Variants in LNPEP observed in about 807,000 individuals in gnomAD.
LNPEP encodes the protein leucyl-cystinyl aminopeptidase.
In LNPEP, 64 loss-of-function variants were observed where a neutral mutation model predicts 120.6. The ratio of observed to expected loss-of-function variants is 0.53; its 90% confidence interval spans 0.43 to 0.65. LNPEP has a LOEUF of 0.65. Ranked by LOEUF, LNPEP falls within the 30% of genes least tolerant of loss-of-function variation. The pLI is 0.00. For synonymous variants in LNPEP, 435 were observed against 425.4 expected (o/e 1.02, Z -0.28); for missense variants, 1,057 against 1,200.0 (o/e 0.88, Z 1.76).
chr5:96,958,468 G>C, intron 1 of LNPEP: 1 of 984,682 alleles, frequency 1.0e-6, no homozygotes, highest in Non-Finnish European at 1.2e-6. Flanking sequence ...ACTCCACTAA[G>C]TACAGAAGTG....
chr5:96,989,349 TATTATATATTATATATA>T (rs1437281674), intron 4 of LNPEP, among the ~76,000 whole-genome samples: 4 of 22,178 alleles, frequency 1.8e-4, no homozygotes, highest in African/African-American at 7.4e-4. Flanking sequence ...ATATATAATA[TATTATATATTATATATA>T]ATTATATATT....
At chr5:96,962,983 G>A (rs752258081) in intron 1 of LNPEP, among the ~76,000 whole-genome samples, 2 of 152,116 alleles carry the variant, frequency 1.3e-5, no homozygotes, top group Non-Finnish European at 2.9e-5. Flanking sequence ...TTGGGCTTAA[G>A]AGAAAAAGCT....
intron 11 of LNPEP, among the ~76,000 whole-genome samples, chr5:97,012,916 A>G (rs1330116829): frequency 6.6e-6 from 1 of 152,120 alleles, no homozygotes; most frequent in African/African-American, 2.4e-5. Flanking sequence ...CCTAATGTTT[A>G]TTTTGCTAGC....
intron 1 of LNPEP, among the ~76,000 whole-genome samples, chr5:96,961,117 T>C (rs537472067): frequency 6.6e-6 from 1 of 152,328 alleles, no homozygotes; most frequent in South Asian, 2.1e-4. Context: ...TGTACCATGT[T>C]GTAGACTTGC....
intron 1 of LNPEP, among the ~76,000 whole-genome samples, chr5:96,971,177 T>C (rs1240612037): frequency 6.6e-6 from 1 of 152,086 alleles, no homozygotes; most frequent in Non-Finnish European, 1.5e-5. Flanking sequence ...GTCTTCCAAC[T>C]CTTTAAAAAT....
chr5:96,938,365 A>G (rs117385930), intron 1 of LNPEP, among the ~76,000 whole-genome samples: 1 of 152,182 alleles, frequency 6.6e-6, no homozygotes, highest in East Asian at 1.9e-4. Flanking sequence ...AATCTTTCCC[A>G]CTTACACTTT....
intron 1 of LNPEP, among the ~76,000 whole-genome samples, chr5:96,943,810 C>T (rs377169040): frequency 5.3e-5 from 8 of 152,172 alleles, no homozygotes; most frequent in African/African-American, 1.7e-4. Context: ...AATTCTTTTT[C>T]TTCTAATACA....
At chr5:97,020,617 T>C (rs987360249) in intron 13 of LNPEP, among the ~76,000 whole-genome samples, 8 of 152,082 alleles carry the variant, frequency 5.3e-5, no homozygotes, top group Admixed American at 4.6e-4. Context: ...CTGACTAACA[T>C]GGTGAAACCC....
intron 1 of LNPEP, among the ~76,000 whole-genome samples, chr5:96,974,781 A>T (rs908135097): frequency 6.6e-6 from 1 of 152,130 alleles, no homozygotes; most frequent in East Asian, 1.9e-4. Flanking sequence ...GCCTCATTTT[A>T]CTTGACCTTT....
Position 97,028,403 on chromosome 5 carries a change from T to C in LNPEP, c.2948T>C (p.Val983Ala), listed in dbSNP as rs1791396179. 6.2e-7 allele frequency: 1 copy of C among 1,613,682 alleles called. No homozygotes were observed. Among genetic ancestry groups the C allele is most frequent in the African/African-American group, 1.3e-5 (1 of 74,934 alleles). Residue 983 changes from valine to alanine, a missense_variant and splice_region_variant, in exon 18 of 18, where the codon GTT becomes GCT. Physicochemically the swap from Val to Ala is moderately conservative, Grantham distance 64. Transcript: ENST00000231368. ...LFSTKTHLSEVQAFFENQSEA... is the reference protein window; with the variant it reads ...LFSTKTHLSEAQAFFENQSEA... ...AATTCTTCTGTGTGAAACTTACAGG[T>C]TCAGGCATTCTTTGAAAATCAGTCA... is the stretch of plus-strand genomic sequence containing the variant.
chr5:96,960,789 A>C (rs1230549722), intron 1 of LNPEP, among the ~76,000 whole-genome samples: 2 of 144,190 alleles, frequency 1.4e-5, no homozygotes, highest in South Asian at 2.3e-4. Context: ...TGTTCTAAGA[A>C]TCAAATAGTG....
rs573988948 is a variant in LNPEP at position 96,955,567 on chromosome 5, AT to A, written c.19+19395del. ...GAGGCAGAGGTTGTAGTGAGCCGAGATTGTGCCACTGCACTCCAGCCTGGCT... is the reference window on the plus strand; with the variant it reads ...GAGGCAGAGGTTGTAGTGAGCCGAGATGTGCCACTGCACTCCAGCCTGGCT... On this transcript the variant is annotated intron_variant, in intron 1 of 17. Transcript: ENST00000231368. 3.1e-4 allele frequency among the ~76,000 whole-genome samples: 47 copies of A among 152,330 alleles called. No individual in the cohort carries two copies. In the South Asian group the frequency reaches 8.1e-3, roughly 26 times the overall value.
chr5:96,960,498 G>A (rs1789575802), intron 1 of LNPEP, among the ~76,000 whole-genome samples: 1 of 152,068 alleles, frequency 6.6e-6, no homozygotes, highest in Non-Finnish European at 1.5e-5. Context: ...AGGCAAATTG[G>A]TCACATTCTA....
chr5:97,003,182 T>C (rs1419044429), intron 8 of LNPEP, among the ~76,000 whole-genome samples: 1 of 152,224 alleles, frequency 6.6e-6, no homozygotes, highest in Non-Finnish European at 1.5e-5. Context: ...ATGGTTAGAA[T>C]AGTGCACATG....
intron 1 of LNPEP, among the ~76,000 whole-genome samples, chr5:96,949,072 G>A (rs1789260266): frequency 6.6e-6 from 1 of 152,232 alleles, no homozygotes; most frequent in Admixed American, 6.5e-5. Context: ...GCCTTAGTGA[G>A]GTTTTGAAAA....
intron 1 of LNPEP, among the ~76,000 whole-genome samples, chr5:96,951,263 G>GC (rs780848725): frequency 1.0e-5 from 1 of 100,500 alleles, no homozygotes; most frequent in Non-Finnish European, 2.9e-5. Context: ...TTCTTTTTTT[G>GC]GCGGGGGGCG....
intron 1 of LNPEP, chr5:96,937,784 T>C (rs1429149899): frequency 6.6e-6 from 1 of 152,242 alleles, no homozygotes; most frequent in Admixed American, 6.5e-5. Flanking sequence ...GTGTCTTTTC[T>C]CTTATAGAAT....
Position 97,022,390 on chromosome 5 carries a change from C to T in LNPEP, c.2467C>T (p.Leu823=). Residue 823 remains leucine (L), a synonymous_variant, in exon 14 of 18, where the codon CTG becomes TTG. Transcript: ENST00000231368. ...ATCTATGCGAGAGCTTCGGTCAGCC[C>T]TGCTAGAGTTTGCTTGCACCCACAA... ...TPSMRELRSA[L]LEFACTHNLG... 6.2e-7 allele frequency: 1 copy of T among 1,613,988 alleles called. No individual in the cohort carries two copies. The highest frequency in any genetic ancestry group is 8.5e-7 in the Non-Finnish European group (1 of 1,179,880).
intron 8 of LNPEP, among the ~76,000 whole-genome samples, chr5:97,002,780 G>C (rs1033745314): frequency 6.6e-6 from 1 of 152,166 alleles, no homozygotes; most frequent in African/African-American, 2.4e-5. Context: ...CACAGAGGAG[G>C]TGGTGCTTAT....
Sources: allele counts gnomAD v4.1 joint callset (sites outside exome capture counted in the v4.1 genomes callset), GRCh38; gene constraint gnomAD v4.1.1; transcripts MANE v1.5; gene names NCBI Gene and HGNC (gene_info 2026-07-23, HGNC 2026-07-21).